SYT16: variants seen among roughly 807,000 people sequenced by gnomAD.
The protein encoded by SYT16 is synaptotagmin 16, also known as synaptotagmin-16.
SYT16 carries 42 observed loss-of-function variants against 61.4 expected under a neutral mutation model. The observed-to-expected ratio is 0.68, with a 90% confidence interval of 0.53 to 0.89. The LOEUF (loss-of-function observed/expected upper bound fraction) is 0.89, where lower values mean the gene tolerates loss of function less well. SYT16 is among the 40% of genes least tolerant of loss of function. The pLI, the probability that SYT16 is intolerant of heterozygous loss-of-function variation, is 0.00. For missense variants in SYT16, 804 were observed against 807.3 expected (o/e 1.00, Z 0.05); for synonymous variants, 314 against 302.3 (o/e 1.04, Z -0.40).
chr14:62,000,099 ATTTTTTTTTTT>A, intron 3 of SYT16, among the ~76,000 whole-genome samples: 2 of 18,956 alleles, frequency 1.1e-4, no homozygotes, highest in South Asian at 2.5e-3. Flanking sequence ...TTGTCTCTCG[ATTTTTTTTTTT>A]TTTTTTTTTT....
chr14:62,025,331 T>TAGCC (rs1289920640), intron 3 of SYT16, among the ~76,000 whole-genome samples: 2 of 152,120 alleles, frequency 1.3e-5, no homozygotes, highest in Non-Finnish European at 2.9e-5. Flanking sequence ...TTTTAATTTG[T>TAGCC]AGCCCCTGAA....
intron 7 of SYT16, among the ~76,000 whole-genome samples, chr14:62,088,772 T>G (rs1158995993): frequency 6.6e-6 from 1 of 152,236 alleles, no homozygotes; most frequent in Admixed American, 6.5e-5. Context: ...AATCGAAAAC[T>G]TAAGGTGGTG....
chr14:62,068,059 G>A (rs1026672131), intron 3 of SYT16, among the ~76,000 whole-genome samples: 5 of 152,126 alleles, frequency 3.3e-5, no homozygotes, highest in Admixed American at 3.3e-4. Flanking sequence ...ATACCTAAAG[G>A]AGGTGAAATC....
intron 7 of SYT16, among the ~76,000 whole-genome samples, chr14:62,087,373 G>C (rs1336904516): frequency 6.6e-6 from 1 of 152,196 alleles, no homozygotes; most frequent in Non-Finnish European, 1.5e-5. Flanking sequence ...TCCACCACAG[G>C]GTCGCCGCCG....
chr14:62,025,646 A>G (rs1007514858), intron 3 of SYT16, among the ~76,000 whole-genome samples: 1 of 152,010 alleles, frequency 6.6e-6, no homozygotes, highest in Admixed American at 6.6e-5. Flanking sequence ...CCTTTGGTGA[A>G]ATGTTTATTT....
intron 1 of SYT16, among the ~76,000 whole-genome samples, chr14:61,834,320 C>A (rs563516752): frequency 6.8e-6 from 1 of 148,036 alleles, no homozygotes; most frequent in African/African-American, 2.5e-5. Context: ...TTAGTAGAGA[C>A]AGGGTTCCAT....
chr14:62,092,759 A>G lies in SYT16; in HGVS notation c.1625-7635A>G, dbSNP rs75813981. ...AATGGGGAGTTATCATTTAATGGAT[A>G]TGGAGTTTCAGTTTTTACAAGATGA... On this transcript the variant is annotated intron_variant, in intron 7 of 7. Transcript: ENST00000683842. Among the ~76,000 whole-genome samples, 468 of 152,126 alleles carry G rather than the reference A, an allele frequency of 3.1e-3. 4 individuals are homozygous for G. The highest frequency in any genetic ancestry group is 0.011 in the African/African-American group (450 of 41,544).
intron 3 of SYT16, among the ~76,000 whole-genome samples, chr14:62,009,735 C>T (rs1307077771): frequency 1.3e-5 from 2 of 152,196 alleles, no homozygotes; most frequent in Middle Eastern, 3.2e-3. Context: ...CAGCCCCTCA[C>T]TCTGCTATCA....
chr14:61,911,155 A>G (rs946198330), intron 1 of SYT16, among the ~76,000 whole-genome samples: 2 of 152,262 alleles, frequency 1.3e-5, no homozygotes, highest in East Asian at 1.9e-4. Context: ...TTTTTATCCT[A>G]TGGACAAGTA....
intron 1 of SYT16, among the ~76,000 whole-genome samples, chr14:61,908,817 C>T (rs1301919840): frequency 6.6e-6 from 1 of 152,100 alleles, no homozygotes; most frequent in Non-Finnish European, 1.5e-5. Context: ...TTCTTTCTTT[C>T]TTCCTTTCTT....
At chr14:61,933,033 T>C (rs1346814753) in intron 1 of SYT16, among the ~76,000 whole-genome samples, 4 of 152,260 alleles carry the variant, frequency 2.6e-5, no homozygotes, top group African/African-American at 9.6e-5. Context: ...ACATTCTCTT[T>C]TTTGGTGGAA....
chr14:61,821,669 T>C (rs146302099), intron 1 of SYT16, among the ~76,000 whole-genome samples: 50 of 152,364 alleles, frequency 3.3e-4, no homozygotes, highest in African/African-American at 1.2e-3. Flanking sequence ...GAAAGTCTGC[T>C]AGTAATAGAA....
chr14:62,048,674 G>T (rs973177091), intron 3 of SYT16, among the ~76,000 whole-genome samples: 1 of 152,122 alleles, frequency 6.6e-6, no homozygotes, highest in Non-Finnish European at 1.5e-5. Flanking sequence ...CTGGTATGTC[G>T]TGTCTTTGTT....
intron 5 of SYT16, among the ~76,000 whole-genome samples, chr14:62,075,622 A>AAAAAAAAAAAAAAAAAAG (rs1566824423): frequency 8.8e-6 from 1 of 113,362 alleles, no homozygotes; most frequent in African/African-American, 3.0e-5. Flanking sequence ...AAAAAAAAGA[A>AAAAAAAAAAAAAAAAAAG]AAAAAGAAAA....
intron 3 of SYT16, among the ~76,000 whole-genome samples, chr14:62,044,955 T>G (rs1326238139): frequency 6.6e-6 from 1 of 152,084 alleles, no homozygotes; most frequent in Admixed American, 6.5e-5. Flanking sequence ...CTGGCCAACG[T>G]GGTGAAACCC....
intron 1 of SYT16, among the ~76,000 whole-genome samples, chr14:61,937,587 G>A (rs2050032064): frequency 1.3e-5 from 2 of 152,316 alleles, no homozygotes; most frequent in East Asian, 1.9e-4. Context: ...ATTTCTTGAT[G>A]TACAGCCACT....
At chr14:62,095,393 TAAATG>T (rs2057236601) in intron 7 of SYT16, among the ~76,000 whole-genome samples, 1 of 151,942 alleles carries the variant, frequency 6.6e-6, no homozygotes. Flanking sequence ...ACATTAAAGA[TAAATG>T]AAAATCTATA....
chr14:61,847,348 C>A (rs980547460), intron 1 of SYT16, among the ~76,000 whole-genome samples: 1 of 151,898 alleles, frequency 6.6e-6, no homozygotes, highest in African/African-American at 2.4e-5. Context: ...GTCTTTTTTT[C>A]CCCAGCACTT....
rs567412365 is a variant in SYT16 at position 61,985,733 on chromosome 14, T to C, written c.-144-10143T>C. Among the ~76,000 whole-genome samples the C allele has an allele frequency of 5.9e-5, 9 of 152,298 alleles. 1 individual carries two copies. The South Asian group carries it at 1.9e-3, about 32-fold the overall frequency. ...CCCTAGATTTTTTAGGAGGTTGACC[T>C]CCTGATTAAGCAGATCTAATTTATG... On this transcript the variant is annotated intron_variant, in intron 2 of 7. Transcript: ENST00000683842.
Sources: gnomAD v4.1 joint callset for allele counts (sites outside exome capture counted in the v4.1 genomes callset) on GRCh38, gnomAD v4.1.1 for gene constraint, MANE v1.5 for transcripts, NCBI Gene and HGNC (gene_info 2026-07-23, HGNC 2026-07-21) for gene names.